PDE4D: variants seen among roughly 807,000 people sequenced by gnomAD.
PDE4D encodes the protein phosphodiesterase 4D.
PDE4D carries 24 observed loss-of-function variants against 87.4 expected under a neutral mutation model. The ratio of observed to expected loss-of-function variants is 0.27; its 90% CI spans 0.20 to 0.39. The LOEUF (loss-of-function observed/expected upper bound fraction) is 0.39. PDE4D is among the 10% of genes least tolerant of loss of function. PDE4D has a pLI of 1.00. For missense variants in PDE4D, 714 were observed against 1,041.0 expected (o/e 0.69, Z 4.32); for synonymous variants, 384 against 383.2 (o/e 1.00, Z -0.02).
intron 1 of PDE4D, among the ~76,000 whole-genome samples, chr5:59,381,848 A>G (rs1785934073): frequency 6.6e-6 from 1 of 151,768 alleles, no homozygotes; most frequent in Non-Finnish European, 1.5e-5. Context: ...AGTTACAGCC[A>G]TTTTTTTTAT....
At chr5:60,034,136 G>A (rs1007220079) in intron 2 of PDE4D, among the ~76,000 whole-genome samples, 5 of 152,192 alleles carry the variant, frequency 3.3e-5, no homozygotes, top group African/African-American at 1.2e-4. Context: ...AGGAAAAGCA[G>A]ATATGTAAAG....
At chr5:59,904,307 A>T (rs1022197751) in intron 3 of PDE4D, among the ~76,000 whole-genome samples, 10 of 152,138 alleles carry the variant, frequency 6.6e-5, no homozygotes, top group African/African-American at 2.4e-4. Flanking sequence ...ATGGAAACAC[A>T]TTGAAAGGAA....
chr5:60,023,077 T>G (rs1766248387), intron 2 of PDE4D, among the ~76,000 whole-genome samples: 1 of 152,170 alleles, frequency 6.6e-6, no homozygotes, highest in African/African-American at 2.4e-5. Context: ...ACCTCCTTCT[T>G]TGAATCCTGA....
intron 2 of PDE4D, among the ~76,000 whole-genome samples, chr5:60,041,961 T>C (rs1768560264): frequency 6.6e-6 from 1 of 151,584 alleles, no homozygotes; most frequent in African/African-American, 2.4e-5. Flanking sequence ...GACAGAACCA[T>C]TCACAACTGT....
At chr5:59,457,469 T>C (rs1800102771) in intron 1 of PDE4D, among the ~76,000 whole-genome samples, 2 of 152,248 alleles carry the variant, frequency 1.3e-5, no homozygotes, top group African/African-American at 4.8e-5. Context: ...ACTCACTTTA[T>C]TGGAATATTC....
In PDE4D at chr5:58,971,359, A is replaced by G. The variant is rs1418111009; in HGVS notation, c.*3305T>C. On this transcript the variant is annotated 3_prime_UTR_variant, in exon 15 of 15. Transcript: ENST00000340635. Reference sequence around the variant, plus strand: ...TACAGAGTATGTATACACACCATTCATTCTCTCACCAAGAGTTTCCAAATA... The same window carrying G: ...TACAGAGTATGTATACACACCATTCGTTCTCTCACCAAGAGTTTCCAAATA... The G allele has an allele frequency of 6.6e-6, 1 of 152,620 alleles. No individual in the cohort carries two copies. Among genetic ancestry groups the G allele is most frequent in the African/African-American group, 2.4e-5 (1 of 41,436 alleles). 9.5% of individuals were successfully genotyped at this position (152,620 alleles called of 1,614,324 possible). A position where few individuals can be genotyped will look rare whatever the true frequency, so the allele number is the denominator to read the frequency against.
upstream of PDE4D, among the ~76,000 whole-genome samples, chr5:60,492,337 C>A (rs565441979): frequency 2.8e-4 from 43 of 151,990 alleles, no homozygotes; most frequent in Non-Finnish European, 5.9e-4. Flanking sequence ...ACTTGGGAGG[C>A]CAAGGTGGGA....
At chr5:59,497,697 G>A (rs1368216499) in intron 1 of PDE4D, among the ~76,000 whole-genome samples, 1 of 152,090 alleles carries the variant, frequency 6.6e-6, no homozygotes, top group Non-Finnish European at 1.5e-5. Context: ...GTTATGTAAA[G>A]TGACATTGGC....
chr5:59,568,303 T>A (rs911428642), intron 1 of PDE4D, among the ~76,000 whole-genome samples: 1 of 152,070 alleles, frequency 6.6e-6, no homozygotes, highest in African/African-American at 2.4e-5. Flanking sequence ...AACCTAAGCA[T>A]AAAATAAATA....
chr5:60,441,514 GAT>G (rs1254634266), intron 1 of PDE4D, among the ~76,000 whole-genome samples: 1 of 152,134 alleles, frequency 6.6e-6, no homozygotes, highest in African/African-American at 2.4e-5. Context: ...TACCATTGAG[GAT>G]ATAGGCATGG....
At chr5:59,014,722 C>A (rs1252057465) in intron 6 of PDE4D, among the ~76,000 whole-genome samples, 1 of 152,138 alleles carries the variant, frequency 6.6e-6, no homozygotes, top group Non-Finnish European at 1.5e-5. Flanking sequence ...AGATTCAATG[C>A]CATCCCCATC....
chr5:59,579,124 T>C (rs1380839116), intron 1 of PDE4D, among the ~76,000 whole-genome samples: 1 of 152,212 alleles, frequency 6.6e-6, no homozygotes, highest in Non-Finnish European at 1.5e-5. Context: ...TATTTTCACT[T>C]TGAAACTTAA....
chr5:59,337,311 G>A (rs1777834808), intron 1 of PDE4D, among the ~76,000 whole-genome samples: 2 of 149,218 alleles, frequency 1.3e-5, no homozygotes, highest in Non-Finnish European at 3.0e-5. Context: ...TAAGTGAAAG[G>A]CATTCATAAG....
chr5:60,097,752 T>C (rs1455202381), intron 2 of PDE4D, among the ~76,000 whole-genome samples: 1 of 151,978 alleles, frequency 6.6e-6, no homozygotes, highest in Non-Finnish European at 1.5e-5. Context: ...TGTGTGTGCA[T>C]GTGTGTGAGT....
At chr5:60,262,792 A>G (rs1749787299) in intron 1 of PDE4D, among the ~76,000 whole-genome samples, 1 of 152,086 alleles carries the variant, frequency 6.6e-6, no homozygotes, top group African/African-American at 2.4e-5. Flanking sequence ...TTCCTCCCAT[A>G]TGACAGGGTA....
At chr5:60,482,733 T>C (rs1748828529) in intron 1 of PDE4D, among the ~76,000 whole-genome samples, 1 of 152,212 alleles carries the variant, frequency 6.6e-6, no homozygotes, top group South Asian at 2.1e-4. Context: ...AAAACTAACA[T>C]GTAGAATCTA....
chr5:59,669,743 A>G (rs978539570), intron 1 of PDE4D, among the ~76,000 whole-genome samples: 8 of 152,036 alleles, frequency 5.3e-5, no homozygotes, highest in African/African-American at 1.9e-4. Context: ...ACTTTCTTCT[A>G]TTTCTATTTT....
At chr5:59,661,075 TA>T (rs1745181899) in intron 1 of PDE4D, among the ~76,000 whole-genome samples, 3 of 9,820 alleles carry the variant, frequency 3.1e-4, no homozygotes, top group Non-Finnish European at 6.6e-4. Flanking sequence ...ATGATAATAT[TA>T]TATATATATA....
chr5:59,546,426 C>T (rs1484591481), intron 1 of PDE4D, among the ~76,000 whole-genome samples: 1 of 151,922 alleles, frequency 6.6e-6, no homozygotes, highest in Non-Finnish European at 1.5e-5. Flanking sequence ...ATATTATGTG[C>T]CTTTTATTTC....
Sources: allele counts gnomAD v4.1 joint callset (sites outside exome capture counted in the v4.1 genomes callset), GRCh38; gene constraint gnomAD v4.1.1; transcripts MANE v1.5; gene names NCBI Gene and HGNC (gene_info 2026-07-23, HGNC 2026-07-21).